Variants in AR observed in about 807,000 individuals in gnomAD.
AR encodes dihydrotestosterone receptor.
In AR, 8 loss-of-function variants were observed where a neutral mutation model predicts 53.9. The observed-to-expected ratio is 0.15, with a 90% CI of 0.09 to 0.27. The LOEUF is 0.27. Among genes scored for constraint, AR ranks in the 10% least tolerant of loss-of-function variants. The pLI, the probability that AR is intolerant of heterozygous loss-of-function variation, is 1.00. For missense variants in AR, 639 were observed against 742.5 expected (o/e 0.86, Z 1.62); for synonymous variants, 359 against 316.4 (o/e 1.13, Z -1.43).
intron 1 of AR, among the ~76,000 whole-genome samples, chrX:67,588,623 A>T (rs1051330454): frequency 8.9e-6 from 1 of 112,334 alleles, no homozygotes; most frequent in Non-Finnish European, 1.9e-5. Context: ...ATTTTCCTCT[A>T]TCAAAAAGCA....
intron 2 of AR, among the ~76,000 whole-genome samples, chrX:67,674,734 CTA>C (rs1223456699): frequency 5.4e-5 from 6 of 111,260 alleles, no homozygotes; most frequent in Non-Finnish European, 1.1e-4. Context: ...TCCGGAAATA[CTA>C]TCCAAGAGCC....
intron 5 of AR, among the ~76,000 whole-genome samples, chrX:67,720,294 C>T (rs1454150206): frequency 8.3e-5 from 9 of 108,961 alleles, no homozygotes; most frequent in East Asian, 2.9e-4. Context: ...TTCCCCTTTT[C>T]CCCCTTTCTT....
At position 67,723,763 on chromosome X, in the gene AR, G is replaced by T. The variant is rs2076147241; in HGVS notation, c.2685G>T (p.Met895Ile). 8.3e-7 allele frequency: 1 copy of T among 1,210,822 alleles called. No homozygotes were observed. Among genetic ancestry groups the T allele is most frequent in the Non-Finnish European group, 1.1e-6 (1 of 895,191 alleles). ...TGGTGAGCGTGGACTTTCCGGAAAT[G>T]ATGGCAGAGATCATCTCTGTGCAAG... ...SHMVSVDFPEMMAEIISVQVP... is the reference protein window; with the variant it reads ...SHMVSVDFPEIMAEIISVQVP... The change falls in exon 8 of 8, where the codon ATG (methionine) becomes ATT (isoleucine). Residue 895 changes from methionine to isoleucine, a missense_variant. This residue lies in a region of AR where 95 missense variants were observed against 196.4 expected (regional missense o/e 0.48). Coordinates refer to ENST00000374690, the MANE Select transcript of AR (RefSeq NM_000044.6).
chrX:67,685,160 A>T (rs151327829), intron 2 of AR, among the ~76,000 whole-genome samples: 6,482 of 111,578 alleles, frequency 0.058, 481 homozygotes, highest in African/African-American at 0.2. Context: ...CTGTGTGTCT[A>T]TGCATCCATC....
At chrX:67,665,382 A>G in intron 2 of AR, among the ~76,000 whole-genome samples, 2 of 112,696 alleles carry the variant, frequency 1.8e-5, no homozygotes, top group East Asian at 2.8e-4. Flanking sequence ...ATTCATCAAA[A>G]TGCCCATTAG....
chrX:67,578,438 T>G lies in AR; in HGVS notation c.1616+31676T>G, dbSNP rs1011448832. ...ATACCCTCCTTGTTTTTAAGCAATT[T>G]ATATTGGTGATTTAAAAATAAAATA... On this transcript the variant is annotated intron_variant, in intron 1 of 7. Transcript: ENST00000374690. 4.5e-5 allele frequency among the ~76,000 whole-genome samples: 5 copies of G among 111,797 alleles called. No individual in the cohort carries two copies. In the East Asian group the frequency reaches 1.1e-3, roughly 25 times the overall value.
chrX:67,548,571 C>T (rs1231817951), intron 1 of AR, among the ~76,000 whole-genome samples: 1 of 111,111 alleles, frequency 9.0e-6, no homozygotes, highest in Admixed American at 9.6e-5. Flanking sequence ...TAAACCCAGA[C>T]ACTGGAACCT....
chrX:67,589,030 A>C (rs1922699351), intron 1 of AR, among the ~76,000 whole-genome samples: 2 of 112,684 alleles, frequency 1.8e-5, no homozygotes, highest in South Asian at 3.6e-4. Context: ...TGTGTTGCTT[A>C]CTTTCTCTTG....
At chrX:67,661,754 T>C (rs1926931742) in intron 2 of AR, among the ~76,000 whole-genome samples, 1 of 111,560 alleles carries the variant, frequency 9.0e-6, no homozygotes, top group South Asian at 3.8e-4. Context: ...TGGAATAGTT[T>C]CAGAAGGAAG....
At chrX:67,707,642 G>C (rs188156483) in intron 3 of AR, among the ~76,000 whole-genome samples, 2 of 111,281 alleles carry the variant, frequency 1.8e-5, no homozygotes, top group African/African-American at 6.5e-5. Flanking sequence ...TAATATTTAC[G>C]TTTAAGGTTA....
chrX:67,578,199 G>A (rs909393734), intron 1 of AR, among the ~76,000 whole-genome samples: 1 of 111,464 alleles, frequency 9.0e-6, no homozygotes, highest in Non-Finnish European at 1.9e-5. Context: ...GCATACCTAA[G>A]CAGAGGCAAG....
Position 67,546,238 on chromosome X carries a change from C to T in AR, c.1092C>T (p.Tyr364=), listed in dbSNP as rs2147320089. The T allele has an allele frequency of 8.3e-7, 1 of 1,211,314 alleles. No homozygotes were observed. The highest frequency in any genetic ancestry group is 1.1e-6 in the Non-Finnish European group (1 of 895,359). Residue 364 remains tyrosine (Y), a synonymous_variant, in exon 1 of 8, where the codon TAC becomes TAT. Coordinates refer to ENST00000374690, the MANE Select transcript of AR (RefSeq NM_000044.6). The part of the protein sequence containing the change: ...DEAAAYQSRD[Y]YNFPLALAGP... ...CAGCTGCGTACCAGAGTCGCGACTA[C>T]TACAACTTTCCACTGGCTCTGGCCG...
At chrX:67,670,364 G>A (rs183594750) in intron 2 of AR, among the ~76,000 whole-genome samples, 266 of 97,529 alleles carry the variant, frequency 2.7e-3, no homozygotes, top group African/African-American at 9.6e-3. Context: ...TTAAAAAATA[G>A]TATTATTTTA....
chrX:67,675,670 G>C (rs909645210), intron 2 of AR, among the ~76,000 whole-genome samples: 3 of 111,905 alleles, frequency 2.7e-5, no homozygotes, highest in Admixed American at 9.5e-5. Flanking sequence ...GGCTGGGGGA[G>C]GGATGTTGTA....
In AR at chrX:67,661,383, G is replaced by T. The variant is rs751628381; in HGVS notation, c.1768+17976G>T. On this transcript the variant is annotated intron_variant, in intron 2 of 7. Coordinates refer to ENST00000374690, the MANE Select transcript of AR (RefSeq NM_000044.6). ...GATAGCTCTTATTATTTTGAGATAC[G>T]TCCCATCAATAACTAATTTATTGAG... Among the ~76,000 whole-genome samples the T allele has an allele frequency of 5.4e-5, 6 of 111,175 alleles. No individual in the cohort carries two copies. In the South Asian group the frequency reaches 1.5e-3, roughly 28 times the overall value.
chrX:67,694,420 A>T (rs944615757), intron 3 of AR, among the ~76,000 whole-genome samples: 8 of 109,900 alleles, frequency 7.3e-5, no homozygotes, highest in African/African-American at 2.7e-4. Flanking sequence ...TATATATAGT[A>T]TATTTGTCAA....
chrX:67,635,295 G>A (rs1246467729), intron 1 of AR, among the ~76,000 whole-genome samples: 1 of 110,869 alleles, frequency 9.0e-6, no homozygotes, highest in African/African-American at 3.3e-5. Context: ...CTCTAAATGA[G>A]GCAAATGGAG....
intron 1 of AR, among the ~76,000 whole-genome samples, chrX:67,592,190 G>T (rs1373092781): frequency 8.9e-6 from 1 of 111,940 alleles, no homozygotes; most frequent in African/African-American, 3.2e-5. Flanking sequence ...TTTATGTGGG[G>T]ATGTGAGGAT....
intron 1 of AR, among the ~76,000 whole-genome samples, chrX:67,610,108 T>C (rs1923811879): frequency 9.0e-6 from 1 of 111,544 alleles, no homozygotes; most frequent in African/African-American, 3.3e-5. Flanking sequence ...CTAAAAATCC[T>C]GAGGCAACCA....
Sources: allele counts gnomAD v4.1 joint callset (sites outside exome capture counted in the v4.1 genomes callset), GRCh38; gene constraint gnomAD v4.1.1; regional missense constraint gnomAD v4.1.1; transcripts MANE v1.5; gene names NCBI Gene and HGNC (gene_info 2026-07-23, HGNC 2026-07-21).